The following ALK variants were observed in gnomAD, a reference collection of about 807,000 sequenced individuals.
ALK encodes ALK tyrosine kinase receptor.
A neutral mutation model predicts 163.1 loss-of-function variants in ALK; 74 were observed. That is an observed-to-expected ratio of 0.45 (90% confidence interval 0.38 to 0.55). The LOEUF (loss-of-function observed/expected upper bound fraction) is 0.55, where lower values mean the gene tolerates loss of function less well. Among genes scored for constraint, ALK ranks in the 20% least tolerant of loss-of-function variants. The pLI, the probability that ALK is intolerant of heterozygous loss-of-function variation, is 0.00. For missense variants in ALK, 2,063 were observed against 2,105.3 expected (o/e 0.98, Z 0.39); for synonymous variants, 960 against 843.2 (o/e 1.14, Z -2.40).
Position 29,875,265 on chromosome 2 carries a change from G to A in ALK, c.667+44728C>T, listed in dbSNP as rs188350765. ...GAGGTTACTAGGGTGGGGGAATGGGGAGTCATTGCTTAATGAGTACAGAGT... is the reference window on the plus strand; with the variant it reads ...GAGGTTACTAGGGTGGGGGAATGGGAAGTCATTGCTTAATGAGTACAGAGT... On this transcript the variant is annotated intron_variant, in intron 1 of 28. Coordinates refer to ENST00000389048, the MANE Select transcript of ALK (RefSeq NM_004304.5). 4.6e-5 allele frequency among the ~76,000 whole-genome samples: 7 copies of A among 152,280 alleles called. No individual in the cohort carries two copies. The East Asian group carries it at 1.2e-3, about 25-fold the overall frequency.
chr2:29,698,705 G>C (rs1678644630), intron 2 of ALK, among the ~76,000 whole-genome samples: 1 of 152,180 alleles, frequency 6.6e-6, no homozygotes, highest in Admixed American at 6.5e-5. Flanking sequence ...GAGTTTAAGT[G>C]TGATAATTGG....
chr2:29,593,645 A>C (rs1033085966), intron 3 of ALK, among the ~76,000 whole-genome samples: 2 of 152,252 alleles, frequency 1.3e-5, no homozygotes, highest in African/African-American at 4.8e-5. Context: ...ATTCAAAGAA[A>C]ACCAAAACAC....
chr2:29,904,983 T>C (rs1370842076), intron 1 of ALK, among the ~76,000 whole-genome samples: 1 of 152,192 alleles, frequency 6.6e-6, no homozygotes, highest in Non-Finnish European at 1.5e-5. Flanking sequence ...AGTAAATGTC[T>C]TCAGTAAAAT....
chr2:29,287,190 A>G (rs1041722920), intron 9 of ALK, among the ~76,000 whole-genome samples: 8 of 152,240 alleles, frequency 5.3e-5, no homozygotes, highest in Non-Finnish European at 1.0e-4. Context: ...GTTTTGAGTT[A>G]CTAAATTCAG....
intron 1 of ALK, among the ~76,000 whole-genome samples, chr2:29,872,822 C>A (rs1384156423): frequency 6.6e-6 from 1 of 152,174 alleles, no homozygotes; most frequent in Non-Finnish European, 1.5e-5. Context: ...CTAATCTCTG[C>A]CATAGATCTG....
chr2:29,359,181 A>G (rs1003431172), intron 5 of ALK, among the ~76,000 whole-genome samples: 19 of 152,170 alleles, frequency 1.2e-4, no homozygotes, highest in African/African-American at 4.1e-4. Context: ...AGGAGCCTTT[A>G]GAAAAACTAA....
At chr2:29,758,081 G>A (rs1401648390) in intron 1 of ALK, among the ~76,000 whole-genome samples, 1 of 148,244 alleles carries the variant, frequency 6.7e-6, no homozygotes, top group Non-Finnish European at 1.5e-5. Context: ...CCTGATCTTG[G>A]CTCACTGCAA....
intron 1 of ALK, among the ~76,000 whole-genome samples, chr2:29,819,516 T>A (rs948940981): frequency 6.6e-6 from 1 of 152,280 alleles, no homozygotes; most frequent in Admixed American, 6.5e-5. Context: ...GAGGGATGAC[T>A]GGGCGATGCC....
At chr2:29,225,593 G>C (rs2148176672) in intron 18 of ALK, 28 bp from the exon 19 acceptor site, 3 of 1,577,168 alleles carry the variant, frequency 1.9e-6, no homozygotes, top group Non-Finnish European at 2.6e-6. Context: ...CTGGGGTATT[G>C]ACAACCACAC....
intron 1 of ALK, among the ~76,000 whole-genome samples, chr2:29,778,702 C>A (rs6736716): frequency 6.6e-6 from 1 of 151,992 alleles, no homozygotes; most frequent in African/African-American, 2.4e-5. Flanking sequence ...CTAGAAAAGG[C>A]AACACTACAA....
intron 1 of ALK, among the ~76,000 whole-genome samples, chr2:29,829,820 A>G (rs1665313620): frequency 6.6e-6 from 1 of 152,222 alleles, no homozygotes; most frequent in African/African-American, 2.4e-5. Flanking sequence ...CTCAGCCTGC[A>G]TGGCCCTAAC....
At chr2:29,762,180 T>A (rs886801148) in intron 1 of ALK, among the ~76,000 whole-genome samples, 2 of 152,232 alleles carry the variant, frequency 1.3e-5, no homozygotes, top group Non-Finnish European at 2.9e-5. Flanking sequence ...CCTCTGAGTT[T>A]AGACAATACT....
intron 9 of ALK, among the ~76,000 whole-genome samples, chr2:29,290,818 C>T (rs374392175): frequency 2.0e-5 from 3 of 151,950 alleles, no homozygotes; most frequent in South Asian, 2.1e-4. Flanking sequence ...AAAGGCATGC[C>T]GGAGTGGGAG....
rs866429827 is a variant in ALK at position 29,705,240 on chromosome 2, A to T, written c.788-10226T>A. ...CTCAACAAAAAAAGAAAAGAAAAGA[A>T]ATATATATATATATATATATATATA... is the stretch of plus-strand genomic sequence containing the variant. On this transcript the variant is annotated intron_variant, in intron 2 of 28. Transcript: ENST00000389048. Among the ~76,000 whole-genome samples, 13 of 47,154 alleles carry T rather than the reference A, an allele frequency of 2.8e-4. No homozygotes were observed. In the East Asian group the frequency reaches 3.5e-3, roughly 13 times the overall value. 30.9% of individuals were successfully genotyped at this position (47,154 alleles called of 152,430 possible).
At chr2:29,514,406 A>G (rs1007624095) in intron 4 of ALK, among the ~76,000 whole-genome samples, 1 of 151,902 alleles carries the variant, frequency 6.6e-6, no homozygotes, top group African/African-American at 2.4e-5. Context: ...AAGAACAAAA[A>G]ACCAAACACC....
chr2:29,653,168 G>A (rs949508535), intron 3 of ALK, among the ~76,000 whole-genome samples: 4 of 152,136 alleles, frequency 2.6e-5, no homozygotes, highest in African/African-American at 7.2e-5. Flanking sequence ...CTTGCTTGGT[G>A]TGCGGGGAAA....
In ALK at chr2:29,920,333, G is replaced by C. The variant is rs769422234; in HGVS notation, c.327C>G (p.Ser109=). The C allele has an allele frequency of 1.3e-6, 2 of 1,551,834 alleles. No homozygotes were observed. The highest frequency in any genetic ancestry group is 1.9e-5 in the Admixed American group (1 of 51,438). The change falls in exon 1 of 29, where the codon TCC becomes TCG. Residue 109 remains serine (S), a synonymous_variant. Coordinates refer to ENST00000389048, the MANE Select transcript of ALK (RefSeq NM_004304.5). ...CCGGGGCTGGTGAACCGGCGGTCCA[G>C]GAGACCCCCGGCGCCGGCCCCAGCA... ...LRLLGPAPGV[S]WTAGSPAPAE...
chr2:29,898,624 A>G (rs1022707594), intron 1 of ALK, among the ~76,000 whole-genome samples: 1 of 152,246 alleles, frequency 6.6e-6, no homozygotes, highest in African/African-American at 2.4e-5. Context: ...AGTAACCGCC[A>G]CATCAAGCTC....
chr2:29,711,545 G>A (rs985298857), intron 2 of ALK, among the ~76,000 whole-genome samples: 1 of 152,022 alleles, frequency 6.6e-6, no homozygotes, highest in Non-Finnish European at 1.5e-5. Context: ...GCATACACTC[G>A]GCACTCCACG....
Sources: allele counts gnomAD v4.1 joint callset (sites outside exome capture counted in the v4.1 genomes callset), GRCh38; gene constraint gnomAD v4.1.1; transcripts MANE v1.5; gene names NCBI Gene and HGNC (gene_info 2026-07-23, HGNC 2026-07-21).